The following RGL1 variants were observed in gnomAD, a reference collection of about 807,000 sequenced individuals.
The protein encoded by RGL1 is ral guanine nucleotide dissociation stimulator like 1, also known as ral guanine nucleotide dissociation stimulator-like 1.
Under a neutral mutation model 95.2 loss-of-function variants are expected in RGL1, and 24 were observed. That is an observed-to-expected ratio of 0.25 (90% CI 0.18 to 0.35). The LOEUF (loss-of-function observed/expected upper bound fraction) is 0.35, where lower values mean the gene tolerates loss of function less well. RGL1 is among the 10% of genes least tolerant of loss of function. RGL1 has a pLI of 1.00. For missense variants in RGL1, 715 were observed against 936.3 expected, an observed-to-expected ratio of 0.76 and a Z score of 3.08; for synonymous variants, 329 against 344.9, an observed-to-expected ratio of 0.95 and a Z score of 0.51.
chr1:183,835,813 A>T (rs916742019), intron 2 of RGL1, among the ~76,000 whole-genome samples: 4 of 152,202 alleles, frequency 2.6e-5, no homozygotes, highest in African/African-American at 9.7e-5. Flanking sequence ...CATGCCTTAG[A>T]TCTATTATCT....
chr1:183,780,217 G>A (rs1659825601), intron 2 of RGL1, among the ~76,000 whole-genome samples: 1 of 152,132 alleles, frequency 6.6e-6, no homozygotes, highest in Non-Finnish European at 1.5e-5. Flanking sequence ...CATTTTTCAG[G>A]AGCATGATAA....
intron 1 of RGL1, among the ~76,000 whole-genome samples, chr1:183,722,023 G>A (rs1234851798): frequency 6.6e-6 from 1 of 152,192 alleles, no homozygotes; most frequent in Non-Finnish European, 1.5e-5. Flanking sequence ...ATTAGTCAAA[G>A]AGAAAATTTG....
chr1:183,885,853 CT>C (rs1422874886), intron 7 of RGL1, among the ~76,000 whole-genome samples: 1 of 151,952 alleles, frequency 6.6e-6, no homozygotes, highest in Non-Finnish European at 1.5e-5. Flanking sequence ...GAAATCATTT[CT>C]GATGGGATGA....
Position 183,766,286 on chromosome 1 carries a change from A to G in RGL1, c.132+23997A>G, listed in dbSNP as rs190602634. Reference sequence around the variant, plus strand: ...ACATACTTTGTTTTCAAGTACACACATGAAGGCCCAACAATGATAAGGTTT... The same window carrying G: ...ACATACTTTGTTTTCAAGTACACACGTGAAGGCCCAACAATGATAAGGTTT... On this transcript the variant is annotated intron_variant, in intron 2 of 18. Coordinates refer to the RGL1 transcript ENST00000304685. Among the ~76,000 whole-genome samples the G allele has an allele frequency of 3.4e-3, 513 of 152,174 alleles. 3 individuals are homozygous for G. Among genetic ancestry groups the G allele is most frequent in the Admixed American group, 5.4e-3 (82 of 15,292 alleles).
chr1:183,903,933 G>A (rs935868604), intron 12 of RGL1, among the ~76,000 whole-genome samples: 5 of 152,148 alleles, frequency 3.3e-5, no homozygotes, highest in Non-Finnish European at 5.9e-5. Flanking sequence ...ACCAAGGGCC[G>A]AGGTCACTGG....
intron 2 of RGL1, among the ~76,000 whole-genome samples, chr1:183,788,954 C>A (rs1258931447): frequency 6.6e-6 from 1 of 152,206 alleles, no homozygotes; most frequent in Non-Finnish European, 1.5e-5. Context: ...CTGATTAATT[C>A]TGCCTCATCT....
At chr1:183,656,742 T>A (rs1160903648) in intron 1 of RGL1, among the ~76,000 whole-genome samples, 1 of 152,206 alleles carries the variant, frequency 6.6e-6, no homozygotes, top group African/African-American at 2.4e-5. Flanking sequence ...TTTTAACACA[T>A]CATACACTAA....
intron 1 of RGL1, among the ~76,000 whole-genome samples, chr1:183,652,453 C>A (rs1208450028): frequency 2.0e-5 from 3 of 152,204 alleles, no homozygotes; most frequent in African/African-American, 7.2e-5. Context: ...TCTTTCTGGG[C>A]TTGTTCTTTG....
At chr1:183,677,553 G>C (rs891376958) in intron 1 of RGL1, among the ~76,000 whole-genome samples, 1 of 151,994 alleles carries the variant, frequency 6.6e-6, no homozygotes, top group Non-Finnish European at 1.5e-5. Context: ...TTTTTCCTAG[G>C]GAGCTGACAT....
At chr1:183,827,907 C>T (rs11589289) in intron 2 of RGL1, among the ~76,000 whole-genome samples, 2,357 of 152,324 alleles carry the variant, frequency 0.015, 37 homozygotes, top group Middle Eastern at 0.051. Context: ...GGTATTCATG[C>T]AGCTCCATTG....
intron 12 of RGL1, among the ~76,000 whole-genome samples, chr1:183,902,993 A>G (rs1668111691): frequency 6.6e-6 from 1 of 152,200 alleles, no homozygotes; most frequent in African/African-American, 2.4e-5. Context: ...TTATACTTGA[A>G]GATTACTAAG....
At chr1:183,804,398 C>G (rs972257113), upstream of RGL1, among the ~76,000 whole-genome samples, 1 of 152,168 alleles carries the variant, frequency 6.6e-6, no homozygotes, top group Non-Finnish European at 1.5e-5. Context: ...GCAGATCTTT[C>G]CATTATGATA....
At chr1:183,699,562 G>A (rs1654461009) in intron 1 of RGL1, among the ~76,000 whole-genome samples, 8 of 152,038 alleles carry the variant, frequency 5.3e-5, no homozygotes, top group Admixed American at 5.2e-4. Flanking sequence ...AAATATGCAG[G>A]TTAGGCCTAG....
At chr1:183,672,987 C>A (rs1380062567) in intron 1 of RGL1, among the ~76,000 whole-genome samples, 2 of 152,194 alleles carry the variant, frequency 1.3e-5, no homozygotes, top group African/African-American at 4.8e-5. Flanking sequence ...CTGCACAGAT[C>A]ATCCCATCAC....
intron 2 of RGL1, among the ~76,000 whole-genome samples, chr1:183,772,052 G>A (rs1269122686): frequency 6.6e-6 from 1 of 152,186 alleles, no homozygotes; most frequent in Non-Finnish European, 1.5e-5. Flanking sequence ...GCTGCCCAGC[G>A]GCCCAACTCC....
intron 1 of RGL1, among the ~76,000 whole-genome samples, chr1:183,650,418 C>CT (rs1650647093): frequency 6.6e-6 from 1 of 152,058 alleles, no homozygotes; most frequent in African/African-American, 2.4e-5. Flanking sequence ...TGGCATGCGC[C>CT]TGTAGTCCCA....
intron 2 of RGL1, among the ~76,000 whole-genome samples, chr1:183,742,445 G>A (rs1657370762): frequency 6.6e-6 from 1 of 152,234 alleles, no homozygotes. Context: ...TAAGTCAGGA[G>A]CATGTCCTTT....
intron 1 of RGL1, among the ~76,000 whole-genome samples, chr1:183,649,211 G>T (rs1301862772): frequency 6.6e-6 from 1 of 152,188 alleles, no homozygotes; most frequent in Non-Finnish European, 1.5e-5. Flanking sequence ...TACCTGATAA[G>T]ATTGTCTTGA....
rs398053593 is a variant in RGL1, at chr1:183,928,163, T to TA, written c.*1884dup. The TA allele has an allele frequency of 0.29, 41,468 of 144,408 alleles. 5,845 individuals carry two copies. Among genetic ancestry groups the TA allele is most frequent in the Non-Finnish European group, 0.3 (19,978 of 65,650 alleles). 8.9% of individuals were successfully genotyped at this position (144,408 alleles called of 1,614,324 possible). A position where few individuals can be genotyped will look rare whatever the true frequency, so the allele number is the denominator to read the frequency against. ...CAGCCTGATATTCTTGGTGCGAAGG[T>TA]AAAAAAAAAAAAATAAATAAAACCA... On this transcript the variant is annotated 3_prime_UTR_variant, in exon 18 of 18. Coordinates refer to ENST00000360851, the MANE Select transcript of RGL1 (RefSeq NM_001297671.3).
Sources: gnomAD v4.1 joint callset for allele counts (sites outside exome capture counted in the v4.1 genomes callset) on GRCh38, gnomAD v4.1.1 for gene constraint, MANE v1.5 for transcripts, NCBI Gene and HGNC (gene_info 2026-07-23, HGNC 2026-07-21) for gene names.